Variants in KAZN observed in about 807,000 individuals in gnomAD.
The protein encoded by KAZN is kazrin, periplakin interacting protein, also known as kazrin.
In KAZN, 40 loss-of-function variants were observed where a neutral mutation model predicts 87.4. The observed-to-expected ratio is 0.46, with a 90% CI of 0.36 to 0.60. KAZN has a LOEUF of 0.60. Among genes scored for constraint, KAZN ranks in the 20% least tolerant of loss-of-function variants. KAZN has a pLI of 0.00. For synonymous variants in KAZN, 466 were observed against 458.3 expected, an observed-to-expected ratio of 1.02 and a Z score of -0.22; for missense variants, 898 against 1,073.9, an observed-to-expected ratio of 0.84 and a Z score of 2.29.
intron 2 of KAZN, among the ~76,000 whole-genome samples, chr1:14,984,404 G>C (rs566465792): frequency 6.6e-6 from 1 of 152,066 alleles, no homozygotes; most frequent in Non-Finnish European, 1.5e-5. Flanking sequence ...AAACAGAGTA[G>C]AGCAAATAAG....
chr1:13,933,107 G>A (rs1358262851), intron 1 of KAZN, among the ~76,000 whole-genome samples: 2 of 152,016 alleles, frequency 1.3e-5, no homozygotes, highest in South Asian at 2.1e-4. Context: ...AACTCAAGGC[G>A]TTATTTGGGT....
intron 2 of KAZN, among the ~76,000 whole-genome samples, chr1:14,991,102 T>C (rs1056733282): frequency 8.6e-5 from 13 of 151,768 alleles, no homozygotes; most frequent in Admixed American, 4.6e-4. Flanking sequence ...CCTGTAATCC[T>C]AGCACTTTGG....
intron 2 of KAZN, among the ~76,000 whole-genome samples, chr1:14,969,971 G>A (rs1319540199): frequency 6.6e-6 from 1 of 151,862 alleles, no homozygotes; most frequent in African/African-American, 2.4e-5. Flanking sequence ...CCGCCACCAC[G>A]CCCAGCTGAT....
intron 2 of KAZN, among the ~76,000 whole-genome samples, chr1:14,492,384 C>G (rs1038020398): frequency 2.0e-5 from 3 of 152,012 alleles, no homozygotes; most frequent in Non-Finnish European, 2.9e-5. Flanking sequence ...TTCACTCATT[C>G]ACTCATTCTG....
At chr1:14,418,385 C>T (rs4128690) in intron 2 of KAZN, among the ~76,000 whole-genome samples, 66,611 of 151,958 alleles carry the variant, frequency 0.44, 15,078 homozygotes, top group African/African-American at 0.52. Flanking sequence ...GTAGTTTGCA[C>T]TGTGCCTGGC....
intron 2 of KAZN, among the ~76,000 whole-genome samples, chr1:14,392,741 G>A (rs1662561533): frequency 6.6e-6 from 1 of 152,134 alleles, no homozygotes; most frequent in South Asian, 2.1e-4. Context: ...CCCCTGGGCG[G>A]AGGCGGGTGT....
intron 1 of KAZN, among the ~76,000 whole-genome samples, chr1:14,141,661 G>T (rs1423483043): frequency 2.6e-5 from 4 of 152,076 alleles, no homozygotes; most frequent in African/African-American, 7.2e-5. Flanking sequence ...AGACCCTGTG[G>T]GGTCGGGTAC....
chr1:14,304,691 A>G, intron 2 of KAZN: 1 of 398,372 alleles, frequency 2.5e-6, no homozygotes, highest in Middle Eastern at 6.3e-4. Flanking sequence ...TCCCAGGGGT[A>G]CATCTGAGTT....
chr1:14,267,634 A>G (rs1214680205), intron 2 of KAZN, among the ~76,000 whole-genome samples: 1 of 141,202 alleles, frequency 7.1e-6, no homozygotes, highest in Non-Finnish European at 1.5e-5. Context: ...ATAATATAAC[A>G]TATATGTAAC....
chr1:14,976,096 C>T (rs1025558655), intron 2 of KAZN, among the ~76,000 whole-genome samples: 2 of 151,930 alleles, frequency 1.3e-5, no homozygotes, highest in East Asian at 1.9e-4. Context: ...GCGGTGAGCC[C>T]GCACACTGCA....
chr1:14,289,294 CATT>C (rs1309796844), intron 2 of KAZN, among the ~76,000 whole-genome samples: 2 of 152,110 alleles, frequency 1.3e-5, no homozygotes, highest in Non-Finnish European at 2.9e-5. Context: ...TAAAATCTCT[CATT>C]ATTATTGTGT....
intron 7 of KAZN, 109 bp from the exon 8 acceptor site, chr1:15,065,521 C>A: frequency 1.0e-6 from 1 of 971,302 alleles, no homozygotes; most frequent in Non-Finnish European, 1.6e-6. Context: ...GCTTAAAGCT[C>A]AGAGAGGCCT....
intron 1 of KAZN, among the ~76,000 whole-genome samples, chr1:13,982,619 G>C (rs1638789279): frequency 6.6e-6 from 1 of 152,206 alleles, no homozygotes; most frequent in African/African-American, 2.4e-5. Flanking sequence ...CTGCTGATTG[G>C]TAGAGCCGAG....
chr1:14,399,484 G>T (rs1663198143), intron 2 of KAZN, among the ~76,000 whole-genome samples: 1 of 150,120 alleles, frequency 6.7e-6, no homozygotes, highest in South Asian at 2.1e-4. Context: ...GGTAATTTAA[G>T]GGCAAAAAAG....
At chr1:14,626,087 C>G (rs1159157281) in intron 1 of KAZN, among the ~76,000 whole-genome samples, 1 of 152,242 alleles carries the variant, frequency 6.6e-6, no homozygotes, top group Non-Finnish European at 1.5e-5. Context: ...CGTTCTCATA[C>G]CTGGTGGGGC....
chr1:14,972,572 A>G (rs535822186), intron 2 of KAZN, among the ~76,000 whole-genome samples: 50 of 151,440 alleles, frequency 3.3e-4, no homozygotes, highest in African/African-American at 1.1e-3. Flanking sequence ...CTAGAGTGCA[A>G]TGGCACAATC....
At chr1:14,205,985 A>G (rs1646735999) in intron 2 of KAZN, among the ~76,000 whole-genome samples, 1 of 151,150 alleles carries the variant, frequency 6.6e-6, no homozygotes, top group Non-Finnish European at 1.5e-5. Flanking sequence ...AGAAGCCTGC[A>G]TGTTGTGCAC....
At chr1:14,546,925 A>G (rs976028080) in intron 2 of KAZN, among the ~76,000 whole-genome samples, 1 of 152,174 alleles carries the variant, frequency 6.6e-6, no homozygotes, top group Non-Finnish European at 1.5e-5. Context: ...TCACCTTAAA[A>G]AGCATCTTGT....
intron 2 of KAZN, among the ~76,000 whole-genome samples, chr1:14,390,527 G>T (rs112340471): frequency 1.3e-5 from 2 of 152,336 alleles, no homozygotes; most frequent in African/African-American, 4.8e-5. Flanking sequence ...CATGCAGGGA[G>T]AACAGCATTT....
Sources: allele counts gnomAD v4.1 joint callset (sites outside exome capture counted in the v4.1 genomes callset), GRCh38; gene constraint gnomAD v4.1.1; transcripts MANE v1.5; gene names NCBI Gene and HGNC (gene_info 2026-07-23, HGNC 2026-07-21).